MYRIP: variants seen among roughly 807,000 people sequenced by gnomAD.
MYRIP encodes the protein rab effector MyRIP.
In MYRIP, 49 loss-of-function variants were observed where a neutral mutation model predicts 98.0. That is an observed-to-expected ratio of 0.50 (90% CI 0.40 to 0.63). MYRIP has a LOEUF of 0.63. MYRIP is among the 30% of genes least tolerant of loss of function. MYRIP has a pLI of 0.00. For missense variants in MYRIP, 1,004 were observed against 1,058.2 expected (o/e 0.95, Z 0.71); for synonymous variants, 404 against 409.5 (o/e 0.99, Z 0.16).
At chr3:39,896,892 C>G (rs1943622779) in intron 1 of MYRIP, among the ~76,000 whole-genome samples, 1 of 151,652 alleles carries the variant, frequency 6.6e-6, no homozygotes. Flanking sequence ...GTTGTATTAA[C>G]CAGTACCTGT....
intron 2 of MYRIP, among the ~76,000 whole-genome samples, chr3:40,030,449 TAAAA>T (rs370265945): frequency 6.6e-6 from 1 of 151,946 alleles, no homozygotes; most frequent in Non-Finnish European, 1.5e-5. Flanking sequence ...CTCAAAAAGT[TAAAA>T]AAAGTGTTAC....
intron 3 of MYRIP, among the ~76,000 whole-genome samples, chr3:40,145,419 G>A (rs1949987277): frequency 6.6e-6 from 1 of 152,188 alleles, no homozygotes; most frequent in South Asian, 2.1e-4. Flanking sequence ...CCATGAGGAA[G>A]ACAAACCTCT....
At chr3:40,237,426 C>T (rs1952854242) in intron 12 of MYRIP, among the ~76,000 whole-genome samples, 1 of 152,202 alleles carries the variant, frequency 6.6e-6, no homozygotes, top group African/African-American at 2.4e-5. Flanking sequence ...CCCAGTGTGA[C>T]AGTCAAAAAT....
At chr3:39,955,331 T>C (rs998694956) in intron 2 of MYRIP, among the ~76,000 whole-genome samples, 1 of 152,172 alleles carries the variant, frequency 6.6e-6, no homozygotes, top group Admixed American at 6.5e-5. Context: ...TGGATCTCTC[T>C]GCAGAAACTC....
chr3:40,002,811 T>C (rs1371537746), intron 2 of MYRIP, among the ~76,000 whole-genome samples: 1 of 152,124 alleles, frequency 6.6e-6, no homozygotes, highest in Non-Finnish European at 1.5e-5. Context: ...TATTGCTATA[T>C]CTATAGTTTT....
intron 2 of MYRIP, among the ~76,000 whole-genome samples, chr3:39,910,201 C>G (rs759084111): frequency 6.6e-6 from 1 of 152,142 alleles, no homozygotes; most frequent in Non-Finnish European, 1.5e-5. Flanking sequence ...ATATTCTTAT[C>G]TATTTACAAA....
At chr3:39,896,556 A>C (rs954642171) in intron 1 of MYRIP, among the ~76,000 whole-genome samples, 1 of 152,208 alleles carries the variant, frequency 6.6e-6, no homozygotes, top group Admixed American at 6.5e-5. Context: ...CTTAACATTT[A>C]GGTTTCTCTA....
chr3:40,241,271 T>A (rs1185948794), intron 12 of MYRIP, among the ~76,000 whole-genome samples: 1 of 152,188 alleles, frequency 6.6e-6, no homozygotes, highest in Non-Finnish European at 1.5e-5. Flanking sequence ...ACAGTAGACC[T>A]GCACTACAGG....
rs144245735 is a variant in MYRIP, at chr3:39,994,179, C to T, written c.111-49871C>T. On this transcript the variant is annotated intron_variant, in intron 2 of 16. Coordinates refer to ENST00000302541, the MANE Select transcript of MYRIP (RefSeq NM_015460.4). ...CTGGGTTCATCTCACTGGGGAGTGT[C>T]GGACAGTGGGTGCAGGACAGTGGGT... is the stretch of plus-strand genomic sequence containing the variant. Among the ~76,000 whole-genome samples, 1,402 of 152,288 alleles carry T rather than the reference C, an allele frequency of 9.2e-3. 17 individuals carry two copies. The highest frequency in any genetic ancestry group is 0.032 in the African/African-American group (1,319 of 41,560).
chr3:40,140,170 T>C (rs554547732), intron 3 of MYRIP, among the ~76,000 whole-genome samples: 9 of 152,324 alleles, frequency 5.9e-5, no homozygotes, highest in Non-Finnish European at 1.0e-4. Context: ...TGTTGAGTTT[T>C]ATACCTGACA....
At chr3:40,250,045 G>A (rs1953324597) in intron 13 of MYRIP, among the ~76,000 whole-genome samples, 177 bp from the exon 14 acceptor site, 1 of 152,074 alleles carries the variant, frequency 6.6e-6, no homozygotes, top group Admixed American at 6.6e-5. Flanking sequence ...AAAGGCCTGT[G>A]TTTTATTTTC....
At chr3:39,915,649 T>A (rs1266460823) in intron 2 of MYRIP, among the ~76,000 whole-genome samples, 1 of 151,912 alleles carries the variant, frequency 6.6e-6, no homozygotes, top group Non-Finnish European at 1.5e-5. Context: ...TAGTAACCCT[T>A]GCACTGCAAA....
At chr3:40,065,387 A>G (rs1352156899) in intron 3 of MYRIP, among the ~76,000 whole-genome samples, 2 of 152,124 alleles carry the variant, frequency 1.3e-5, no homozygotes. Flanking sequence ...CAGTGTTAGG[A>G]CTTCAACTTA....
At chr3:40,131,896 A>G (rs1949652170) in intron 3 of MYRIP, among the ~76,000 whole-genome samples, 1 of 151,746 alleles carries the variant, frequency 6.6e-6, no homozygotes, top group South Asian at 2.1e-4. Context: ...TTTCAATGAG[A>G]GCTTCTCTTC....
chr3:40,224,414 CAA>C (rs35749015), intron 11 of MYRIP, among the ~76,000 whole-genome samples: 12,998 of 134,416 alleles, frequency 0.097, 860 homozygotes, highest in African/African-American at 0.21. Context: ...TATAAAAAAG[CAA>C]AAAAAAAAAA....
intron 9 of MYRIP, among the ~76,000 whole-genome samples, chr3:40,184,009 T>C (rs1016490407): frequency 6.6e-6 from 1 of 152,244 alleles, no homozygotes; most frequent in Admixed American, 6.5e-5. Flanking sequence ...TACCTATTAG[T>C]AGAAACTGCA....
At chr3:40,102,532 G>C (rs1948966147) in intron 3 of MYRIP, among the ~76,000 whole-genome samples, 1 of 152,182 alleles carries the variant, frequency 6.6e-6, no homozygotes. Context: ...GGAGACAGCA[G>C]AAGTAAATGT....
chr3:39,887,564 C>T (rs917997512), intron 1 of MYRIP, among the ~76,000 whole-genome samples: 5 of 152,102 alleles, frequency 3.3e-5, no homozygotes, highest in African/African-American at 1.2e-4. Flanking sequence ...AACCCACAGC[C>T]AATATCATAC....
intron 2 of MYRIP, among the ~76,000 whole-genome samples, chr3:39,911,893 A>C (rs1598991): frequency 3.3e-5 from 5 of 151,926 alleles, no homozygotes; most frequent in African/African-American, 1.2e-4. Context: ...AAGCCAACAG[A>C]TCCACCTCCT....
Sources: allele counts gnomAD v4.1 joint callset (sites outside exome capture counted in the v4.1 genomes callset), GRCh38; gene constraint gnomAD v4.1.1; transcripts MANE v1.5; gene names NCBI Gene and HGNC (gene_info 2026-07-23, HGNC 2026-07-21).